Variants in DSE observed in about 807,000 individuals in gnomAD.
DSE encodes the protein dermatan-sulfate epimerase.
Under a neutral mutation model 84.4 loss-of-function variants are expected in DSE, and 36 were observed. The ratio of observed to expected loss-of-function variants is 0.43; its 90% CI spans 0.33 to 0.56. The LOEUF is 0.56. Ranked by LOEUF, DSE falls within the 20% of genes least tolerant of loss-of-function variation. DSE has a pLI of 0.06. For missense variants in DSE, 862 were observed against 1,169.6 expected (o/e 0.74, Z 3.84); for synonymous variants, 410 against 430.1 (o/e 0.95, Z 0.58).
At chr6:116,277,138 A>G (rs182194981) in intron 2 of DSE, 25 of 152,752 alleles carry the variant, frequency 1.6e-4, no homozygotes, top group Admixed American at 1.1e-3. Flanking sequence ...CAATAAGTTT[A>G]GAATCAGAAA....
At chr6:116,271,321 T>C (rs1392039282) in intron 2 of DSE, among the ~76,000 whole-genome samples, 2 of 152,230 alleles carry the variant, frequency 1.3e-5, no homozygotes, top group Non-Finnish European at 2.9e-5. Context: ...TTCGAAAATC[T>C]GCATTTCTAA....
At position 116,396,887 on chromosome 6, in the gene DSE, C is replaced by T. The variant is rs193153394; in HGVS notation, c.-53-2311C>T. On this transcript the variant is annotated intron_variant, in intron 1 of 5. Transcript: ENST00000644252. Reference sequence around the variant, plus strand: ...AAAGAACATGATGAATTAACCTTACCCACGTTTGGGGAAGTTTGTACAGAA... The same window carrying T: ...AAAGAACATGATGAATTAACCTTACTCACGTTTGGGGAAGTTTGTACAGAA... Among the ~76,000 whole-genome samples, 36 of 152,206 alleles carry T rather than the reference C, an allele frequency of 2.4e-4. No individual in the cohort carries two copies. The East Asian group carries it at 5.8e-3, about 24-fold the overall frequency.
At chr6:116,266,593 C>A (rs1772639462) in intron 2 of DSE, among the ~76,000 whole-genome samples, 1 of 152,116 alleles carries the variant, frequency 6.6e-6, no homozygotes, top group Non-Finnish European at 1.5e-5. Context: ...TAGTTTATTT[C>A]ACTCATAATT....
intron 2 of DSE, chr6:116,278,455 A>C (rs762365421): frequency 3.7e-6 from 6 of 1,609,204 alleles, no homozygotes; most frequent in Non-Finnish European, 3.4e-6. Context: ...GCTGATGCCC[A>C]AGCACAGGTC....
chr6:116,387,288 A>C (rs1780634448), intron 1 of DSE, among the ~76,000 whole-genome samples: 1 of 152,126 alleles, frequency 6.6e-6, no homozygotes, highest in African/African-American at 2.4e-5. Flanking sequence ...GAGTAATGAA[A>C]CAGTACTTAG....
intron 2 of DSE, among the ~76,000 whole-genome samples, chr6:116,332,754 A>G (rs1327207115): frequency 1.3e-5 from 2 of 152,202 alleles, no homozygotes; most frequent in Non-Finnish European, 2.9e-5. Context: ...TAATTGGTAA[A>G]AAGTCAAGCT....
chr6:116,358,572 G>A (rs369062893), intron 2 of DSE, among the ~76,000 whole-genome samples: 2 of 152,152 alleles, frequency 1.3e-5, no homozygotes, highest in East Asian at 3.9e-4. Context: ...ATAGCTTCTA[G>A]GCTGTGGGGA....
chr6:116,361,939 C>A (rs554536393), intron 2 of DSE, among the ~76,000 whole-genome samples: 1 of 152,256 alleles, frequency 6.6e-6, no homozygotes, highest in African/African-American at 2.4e-5. Flanking sequence ...CATCCTCCTT[C>A]TGATGAAAAT....
chr6:116,421,122 A>G (rs1235120564), intron 2 of DSE, among the ~76,000 whole-genome samples: 2 of 152,038 alleles, frequency 1.3e-5, no homozygotes, highest in Admixed American at 1.3e-4. Context: ...TTCCCCACCA[A>G]CATTCCACCC....
At chr6:116,402,129 A>G (rs1270863516) in intron 2 of DSE, among the ~76,000 whole-genome samples, 1 of 152,226 alleles carries the variant, frequency 6.6e-6, no homozygotes, top group Non-Finnish European at 1.5e-5. Flanking sequence ...GAAATAGCCC[A>G]GTAATTTTAT....
chr6:116,327,172 G>A (rs1328953886), intron 2 of DSE, among the ~76,000 whole-genome samples: 1 of 152,186 alleles, frequency 6.6e-6, no homozygotes, highest in Admixed American at 6.5e-5. Context: ...CCAGCTTATA[G>A]AGCTCCATTC....
chr6:116,259,192 C>T (rs1445754488), intron 2 of DSE: 6 of 671,630 alleles, frequency 8.9e-6, no homozygotes, highest in Non-Finnish European at 1.6e-5. Context: ...GAAGAGCAAA[C>T]TTACTTGTAA....
intron 2 of DSE, among the ~76,000 whole-genome samples, chr6:116,299,549 T>TACACACAC (rs1562213592): frequency 3.9e-5 from 2 of 50,822 alleles, no homozygotes; most frequent in Non-Finnish European, 3.0e-5. Flanking sequence ...TATATATATA[T>TACACACAC]ATACACATAC....
chr6:116,319,478 T>C (rs1487230146), intron 2 of DSE, among the ~76,000 whole-genome samples: 1 of 152,200 alleles, frequency 6.6e-6, no homozygotes, highest in Non-Finnish European at 1.5e-5. Context: ...AAGCCTCTGC[T>C]TACATTCCAT....
Position 116,327,380 on chromosome 6 carries a change from G to A in DSE, c.-54+68413G>A, listed in dbSNP as rs532988024. 4.1e-4 allele frequency among the ~76,000 whole-genome samples: 62 copies of A among 152,288 alleles called. 2 individuals are homozygous for A. Among genetic ancestry groups the A allele is most frequent in the Non-Finnish European group, 7.4e-5 (5 of 68,010 alleles). On this transcript the variant is annotated intron_variant, in intron 2 of 3. Transcript: ENST00000430252. ...AAGGTGAACAGTAAGTAAAGGAAGT[G>A]GAGAGTTTAAGGGACAGCGTTAGGA...
chr6:116,307,146 A>G (rs962917985), intron 2 of DSE, among the ~76,000 whole-genome samples: 2 of 152,168 alleles, frequency 1.3e-5, no homozygotes, highest in African/African-American at 2.4e-5. Flanking sequence ...GACAGCAGCT[A>G]TGTGTTTCAT....
intron 2 of DSE, among the ~76,000 whole-genome samples, chr6:116,362,296 C>A (rs1344612181): frequency 6.6e-6 from 1 of 152,194 alleles, no homozygotes; most frequent in Admixed American, 6.5e-5. Flanking sequence ...CTGGCCCTCA[C>A]CCCTAGAGAA....
upstream of DSE, chr6:116,370,846 G>T: frequency 1.0e-6 from 1 of 985,594 alleles, no homozygotes; most frequent in Non-Finnish European, 1.2e-6. Flanking sequence ...CTCTGGTGAC[G>T]TTGCGGTTTC....
chr6:116,431,283 G>C (rs1783822706), intron 4 of DSE, 90 bp downstream of exon 4: 1 of 1,486,032 alleles, frequency 6.7e-7, no homozygotes, highest in Non-Finnish European at 9.0e-7. Context: ...GAGAAATTAG[G>C]TCCTTAGAGT....
Sources: gnomAD v4.1 joint callset for allele counts (sites outside exome capture counted in the v4.1 genomes callset) on GRCh38, gnomAD v4.1.1 for gene constraint, MANE v1.5 for transcripts, NCBI Gene and HGNC (gene_info 2026-07-23, HGNC 2026-07-21) for gene names.